The following OR3A2 variants were observed in gnomAD, a reference collection of about 807,000 sequenced individuals.
The protein encoded by OR3A2 is olfactory receptor 3A2.
For missense variants in OR3A2, 318 were observed against 392.8 expected, an observed-to-expected ratio of 0.81 and a Z score of 1.61; for synonymous variants, 126 against 159.3, an observed-to-expected ratio of 0.79 and a Z score of 1.57.
intron 2 of OR3A2, among the ~76,000 whole-genome samples, chr17:3,346,437 G>C (rs772067092): frequency 2.6e-5 from 4 of 152,090 alleles, no homozygotes; most frequent in Non-Finnish European, 5.9e-5. Flanking sequence ...TGTTTTCCAA[G>C]AGCCTGTAAT....
chr17:3,369,961 G>A (rs369592941), intron 2 of OR3A2, among the ~76,000 whole-genome samples: 8 of 152,006 alleles, frequency 5.3e-5, no homozygotes, highest in Non-Finnish European at 7.4e-5. Flanking sequence ...ATGCCACCAC[G>A]CATGGCTAAT....
intron 2 of OR3A2, among the ~76,000 whole-genome samples, chr17:3,358,259 T>C (rs1302352776): frequency 1.3e-5 from 2 of 151,966 alleles, no homozygotes; most frequent in East Asian, 1.9e-4. Flanking sequence ...CATGGTTTTC[T>C]TGTGTCTTGA....
intron 3 of OR3A2, among the ~76,000 whole-genome samples, chr17:3,329,401 T>C (rs1236830480): frequency 6.6e-6 from 1 of 150,606 alleles, no homozygotes; most frequent in African/African-American, 2.5e-5. Context: ...CCGTTATTGG[T>C]CTATTCAGAG....
chr17:3,303,956 T>C, intron 3 of OR3A2, among the ~76,000 whole-genome samples: 1 of 132,778 alleles, frequency 7.5e-6, no homozygotes, highest in South Asian at 2.3e-4. Context: ...ATTAGAAGTT[T>C]TGGTACTAAT....
chr17:3,383,656 C>T (rs962390223), intron 2 of OR3A2: 1 of 152,052 alleles, frequency 6.6e-6, no homozygotes, highest in African/African-American at 2.4e-5. Flanking sequence ...GGAGGGGTGC[C>T]AAGGTCCTGG....
At chr17:3,335,883 T>A (rs2049272008) in intron 3 of OR3A2, 146 bp downstream of exon 2, 1 of 152,208 alleles carries the variant, frequency 6.6e-6, no homozygotes, top group Non-Finnish European at 1.5e-5. Flanking sequence ...GCATACCTCC[T>A]ACCACCTCCT....
intron 1 of OR3A2, among the ~76,000 whole-genome samples, chr17:3,281,149 T>G (rs2048774289): frequency 6.6e-6 from 1 of 152,052 alleles, no homozygotes; most frequent in South Asian, 2.1e-4. Context: ...TAGATTTATG[T>G]GGGAGCCCCC....
intron 2 of OR3A2, among the ~76,000 whole-genome samples, chr17:3,360,120 G>C (rs2049498470): frequency 6.6e-6 from 1 of 151,816 alleles, no homozygotes; most frequent in African/African-American, 2.4e-5. Flanking sequence ...ATTCTAACTG[G>C]TGTGACATGA....
At chr17:3,349,293 C>T (rs138512095) in intron 2 of OR3A2, among the ~76,000 whole-genome samples, 1,684 of 152,134 alleles carry the variant, frequency 0.011, 20 homozygotes, top group African/African-American at 0.031. Flanking sequence ...ACCCATCTCA[C>T]GGGCAGAGAC....
rs148167637 is a variant in OR3A2, at chr17:3,312,043, G to A, written c.-85+23990C>T. 11 of 153,432 alleles carry A rather than the reference G, an allele frequency of 7.2e-5. No individual in the cohort carries two copies. The East Asian group carries it at 2.1e-3, about 30-fold the overall frequency. 9.5% of individuals were successfully genotyped at this position (153,432 alleles called of 1,614,324 possible). A position where few individuals can be genotyped will look rare whatever the true frequency, so the allele number is the denominator to read the frequency against. ...AATCCTCAGCGTCGGGTCATAAAAT[G>A]GGAGGAAAGTAGATAGTCTTGGTCA... On this transcript the variant is annotated intron_variant, in intron 3 of 4. Coordinates refer to the OR3A2 transcript ENST00000573491.
At chr17:3,380,257 A>AGCGTC (rs1420586528) in intron 2 of OR3A2, among the ~76,000 whole-genome samples, 7 of 152,210 alleles carry the variant, frequency 4.6e-5, no homozygotes, top group Non-Finnish European at 8.8e-5. Context: ...GAGTAAATCA[A>AGCGTC]GCGTCTGAGG....
At chr17:3,374,430 C>T (rs954368099) in intron 2 of OR3A2, among the ~76,000 whole-genome samples, 1 of 152,118 alleles carries the variant, frequency 6.6e-6, no homozygotes, top group African/African-American at 2.4e-5. Context: ...TCAGGAACAC[C>T]AATTATTCTT....
chr17:3,345,339 T>C (rs1844152), intron 2 of OR3A2, among the ~76,000 whole-genome samples: 24,030 of 152,004 alleles, frequency 0.16, 2,596 homozygotes, highest in African/African-American at 0.3. Context: ...CAATCATGTT[T>C]TTAGGACCTT....
At chr17:3,278,689 T>C (rs897139865) in exon 2 of OR3A2, 4 of 1,358,790 alleles carry the variant, frequency 2.9e-6, no homozygotes, top group African/African-American at 1.5e-5. Context: ...GTGACAGTGA[T>C]ACATCCGACA....
intron 2 of OR3A2, among the ~76,000 whole-genome samples, chr17:3,367,601 G>GTGTATATATATA (rs1555530074): frequency 6.5e-5 from 8 of 122,538 alleles, no homozygotes; most frequent in South Asian, 2.6e-4. Flanking sequence ...GTGTGTGTGT[G>GTGTATATATATA]TATATATATA....
intron 2 of OR3A2, among the ~76,000 whole-genome samples, chr17:3,345,446 CAG>C (rs1056753543): frequency 1.7e-5 from 2 of 115,456 alleles, no homozygotes; most frequent in African/African-American, 3.7e-5. Flanking sequence ...GAGATAGAGA[CAG>C]AGAGAGAGAC....
intron 1 of OR3A2, among the ~76,000 whole-genome samples, chr17:3,281,422 G>T (rs957087917): frequency 5.9e-5 from 9 of 152,088 alleles, no homozygotes; most frequent in African/African-American, 1.7e-4. Context: ...TTTTAGTAGA[G>T]ATGGGGTTTC....
rs140489079 is a variant in OR3A2, at chr17:3,368,666, C to T, written c.-179+15138G>A. On this transcript the variant is annotated intron_variant, in intron 2 of 4. Coordinates refer to the OR3A2 transcript ENST00000573491. ...TGTAGTATAGTTATAAGTTGGGTAA[C>T]GTGATACTTCCAGGTTTGTTCTTTT... 7.9e-4 allele frequency among the ~76,000 whole-genome samples: 120 copies of T among 152,114 alleles called. 1 individual carries two copies. The East Asian group carries it at 0.022, about 28-fold the overall frequency.
intron 2 of OR3A2, among the ~76,000 whole-genome samples, chr17:3,375,579 G>A (rs1422025209): frequency 1.3e-5 from 2 of 152,078 alleles, no homozygotes; most frequent in Non-Finnish European, 1.5e-5. Flanking sequence ...TGAGATTACA[G>A]GCATGAGCCA....
Sources: allele counts gnomAD v4.1 joint callset (sites outside exome capture counted in the v4.1 genomes callset), GRCh38; gene constraint gnomAD v4.1.1; transcripts MANE v1.5; gene names NCBI Gene and HGNC (gene_info 2026-07-23, HGNC 2026-07-21).